The following BCAS3 variants were observed in gnomAD, a reference collection of about 807,000 sequenced individuals.
BCAS3 encodes the protein BCAS4/BCAS3 fusion.
In BCAS3, 53 loss-of-function variants were observed where a neutral mutation model predicts 116.1. The observed-to-expected ratio is 0.46, with a 90% CI of 0.37 to 0.57. BCAS3 has a LOEUF of 0.57. Among genes scored for constraint, BCAS3 ranks in the 20% least tolerant of loss-of-function variants. The pLI, the probability that BCAS3 is intolerant of heterozygous loss-of-function variation, is 0.00. For synonymous variants in BCAS3, 391 were observed against 408.2 expected, an observed-to-expected ratio of 0.96 and a Z score of 0.51; for missense variants, 917 against 1,165.4, an observed-to-expected ratio of 0.79 and a Z score of 3.10.
chr17:60,828,619 C>G (rs1449292484), intron 7 of BCAS3, among the ~76,000 whole-genome samples: 2 of 152,256 alleles, frequency 1.3e-5, no homozygotes, highest in Non-Finnish European at 1.5e-5. Flanking sequence ...TGTAAGGAAT[C>G]CTTGTCTGCT....
intron 14 of BCAS3, among the ~76,000 whole-genome samples, chr17:60,952,945 G>A (rs1341609227): frequency 5.9e-5 from 9 of 151,640 alleles, no homozygotes; most frequent in Middle Eastern, 3.4e-3. Context: ...AGACATGATC[G>A]CATTCTTTTT....
intron 22 of BCAS3, among the ~76,000 whole-genome samples, chr17:61,274,006 C>T (rs62069620): frequency 2.0e-5 from 3 of 150,238 alleles, no homozygotes; most frequent in South Asian, 2.1e-4. Context: ...ATGTGCACAA[C>T]GTGCAGGTTT....
rs181888608 is a variant in BCAS3, at chr17:61,380,036, G to A, written c.2593+11542G>A. ...TCGGTTTCATGCGTTATCCATCCCC[G>A]ACCACTGAGAGCTGAGTAGGATCCT... On this transcript the variant is annotated intron_variant, in intron 23 of 23. Transcript: ENST00000407086. The surrounding 1 kb of genome is among the most constrained non-coding windows in gnomAD (Gnocchi z 4.2). 1.9e-3 allele frequency: 300 copies of A among 161,758 alleles called. 2 individuals are homozygous for A. Among genetic ancestry groups the A allele is most frequent in the African/African-American group, 6.8e-3 (285 of 41,626 alleles). 10.0% of individuals were successfully genotyped at this position (161,758 alleles called of 1,614,324 possible). A position where few individuals can be genotyped will look rare whatever the true frequency, so the allele number is the denominator to read the frequency against.
Position 60,894,115 on chromosome 17 carries a change from G to GA in BCAS3, c.738+4350dup, listed in dbSNP as rs1200705955. 2.6e-5 allele frequency among the ~76,000 whole-genome samples: 4 copies of GA among 151,820 alleles called. No homozygotes were observed. In the South Asian group the frequency reaches 8.4e-4, roughly 32 times the overall value. On this transcript the variant is annotated intron_variant, in intron 10 of 23. Transcript: ENST00000407086. ...TAGGATAGCTTTTTCCAATTCTGTG[G>GA]AAAAAACATTAATAATTTGATAAGA...
intron 22 of BCAS3, among the ~76,000 whole-genome samples, chr17:61,275,064 C>A (rs558389072): frequency 2.1e-4 from 32 of 152,074 alleles, no homozygotes; most frequent in Non-Finnish European, 4.3e-4. Flanking sequence ...GTCGCCCAGG[C>A]TAGTCTCAAC....
At chr17:61,071,896 G>T (rs1352493415) in intron 19 of BCAS3, among the ~76,000 whole-genome samples, 2 of 152,024 alleles carry the variant, frequency 1.3e-5, no homozygotes, top group Non-Finnish European at 1.5e-5. Flanking sequence ...AGCTTTTCCT[G>T]TTTTGATGTT....
At chr17:61,359,200 A>C (rs768442266) in intron 22 of BCAS3, among the ~76,000 whole-genome samples, 1 of 152,124 alleles carries the variant, frequency 6.6e-6, no homozygotes, top group African/African-American at 2.4e-5. Context: ...TTAGCCTTTC[A>C]TAGAATCCCA....
intron 6 of BCAS3, among the ~76,000 whole-genome samples, chr17:60,807,749 T>C (rs1044377888): frequency 2.0e-5 from 3 of 149,808 alleles, no homozygotes; most frequent in Non-Finnish European, 4.4e-5. Flanking sequence ...GCCACTGCAC[T>C]CCAGCCTGGG....
intron 22 of BCAS3, among the ~76,000 whole-genome samples, chr17:61,257,826 A>C (rs780575614): frequency 6.6e-6 from 1 of 152,210 alleles, no homozygotes; most frequent in Non-Finnish European, 1.5e-5. Flanking sequence ...TGCAAGTATT[A>C]AATGCAGTGA....
chr17:61,078,646 A>G, intron 21 of BCAS3, 117 bp downstream of exon 21: 1 of 824,096 alleles, frequency 1.2e-6, no homozygotes, highest in Non-Finnish European at 1.9e-6. Context: ...GTTGCAGACT[A>G]CATGTACTGT....
chr17:61,267,827 A>T (rs1239282792), intron 22 of BCAS3, among the ~76,000 whole-genome samples: 3 of 151,968 alleles, frequency 2.0e-5, no homozygotes, highest in Admixed American at 2.0e-4. Context: ...GGACCATGTG[A>T]TCTGCAACAT....
chr17:60,825,798 C>G (rs565351984), intron 7 of BCAS3, among the ~76,000 whole-genome samples: 2 of 151,358 alleles, frequency 1.3e-5, no homozygotes, highest in East Asian at 3.9e-4. Flanking sequence ...AAAGCTCTGC[C>G]CTCATGACTT....
At chr17:60,851,282 C>T (rs1026871043) in intron 7 of BCAS3, 3 of 292,126 alleles carry the variant, frequency 1.0e-5, no homozygotes, top group African/African-American at 6.9e-5. Flanking sequence ...GCAGCTCGGG[C>T]TGCAGGAGGA....
rs113649502 is a variant in BCAS3, at chr17:60,774,498, G to A, written c.403+27219G>A. On this transcript the variant is annotated intron_variant, in intron 6 of 23. Coordinates refer to ENST00000407086, the MANE Select transcript of BCAS3 (RefSeq NM_017679.5). ...CTTCTTTGCATGACTTAAAATTTTT[G>A]TTTGGATGCCACACATTTTGAATTT... Among the ~76,000 whole-genome samples, 924 of 152,234 alleles carry A rather than the reference G, an allele frequency of 6.1e-3. 4 individuals are homozygous for A. Among genetic ancestry groups the A allele is most frequent in the African/African-American group, 0.021 (875 of 41,562 alleles).
chr17:61,221,790 G>C (rs2082125780), intron 22 of BCAS3, among the ~76,000 whole-genome samples: 1 of 152,134 alleles, frequency 6.6e-6, no homozygotes, highest in Non-Finnish European at 1.5e-5. Flanking sequence ...CAAGAATGTG[G>C]GCTACAGGAG....
chr17:60,753,631 G>A (rs946671274), intron 6 of BCAS3, among the ~76,000 whole-genome samples: 1 of 151,872 alleles, frequency 6.6e-6, no homozygotes. Context: ...GGATGGTCTC[G>A]ATCACCTGAC....
intron 6 of BCAS3, among the ~76,000 whole-genome samples, chr17:60,771,169 T>C (rs913050277): frequency 5.9e-5 from 9 of 152,180 alleles, no homozygotes; most frequent in African/African-American, 2.2e-4. Flanking sequence ...TCCCAGTATA[T>C]GGTTTTTACA....
At chr17:60,934,256 A>C (rs1461986734) in intron 13 of BCAS3, among the ~76,000 whole-genome samples, 1 of 152,170 alleles carries the variant, frequency 6.6e-6, no homozygotes, top group Non-Finnish European at 1.5e-5. Flanking sequence ...TCCATCAGTA[A>C]GTGAAGAGCC....
At chr17:61,310,568 A>C (rs887897646) in intron 22 of BCAS3, among the ~76,000 whole-genome samples, 50 of 148,002 alleles carry the variant, frequency 3.4e-4, no homozygotes, top group African/African-American at 1.3e-3. Flanking sequence ...AAAAAAAAAA[A>C]AGAAAGAAAG....
Sources: allele counts gnomAD v4.1 joint callset (sites outside exome capture counted in the v4.1 genomes callset), GRCh38; gene constraint gnomAD v4.1.1; non-coding constraint Gnocchi (gnomAD v3.1); transcripts MANE v1.5; gene names NCBI Gene and HGNC (gene_info 2026-07-23, HGNC 2026-07-21).